Variants in NUP35 observed in about 807,000 individuals in gnomAD.
NUP35 encodes nucleoporin 35, also known as nucleoporin NUP35.
Under a neutral mutation model 41.5 loss-of-function variants are expected in NUP35, and 25 were observed. The ratio of observed to expected loss-of-function variants is 0.60; its 90% CI spans 0.44 to 0.84. The LOEUF (loss-of-function observed/expected upper bound fraction) is 0.84, where lower values mean the gene tolerates loss of function less well. NUP35 is among the 40% of genes least tolerant of loss of function. The probability of loss-of-function intolerance (pLI) is 0.00; values close to 1 mark genes in which losing one functional copy is unlikely to be tolerated. For missense variants in NUP35, 396 were observed against 396.6 expected (o/e 1.00, Z 0.01); for synonymous variants, 149 against 130.7 (o/e 1.14, Z -0.96).
At chr2:183,133,426 G>C in intron 3 of NUP35, 140 bp from the exon 4 acceptor site, 1 of 564,124 alleles carries the variant, frequency 1.8e-6, no homozygotes, top group Non-Finnish European at 3.1e-6. Flanking sequence ...GGGGAAAAAA[G>C]AGTGCCTTTG....
intron 4 of NUP35, among the ~76,000 whole-genome samples, chr2:183,146,785 TG>T (rs1454789688): frequency 1.4e-4 from 22 of 152,022 alleles, no homozygotes; most frequent in Non-Finnish European, 1.2e-4. Context: ...TTAGTAGAGA[TG>T]GGGTTTCGCC....
At chr2:183,121,672 A>G (rs1176259706), upstream of NUP35, among the ~76,000 whole-genome samples, 2 of 151,708 alleles carry the variant, frequency 1.3e-5, no homozygotes, top group African/African-American at 4.8e-5. Context: ...TCTGTACTAA[A>G]ATTCAAAAAA....
intron 3 of NUP35, among the ~76,000 whole-genome samples, chr2:183,133,161 C>T (rs1684753530): frequency 6.6e-6 from 1 of 152,062 alleles, no homozygotes; most frequent in South Asian, 2.1e-4. Flanking sequence ...TATAGTGTTT[C>T]ATGGTTTCTA....
chr2:183,137,278 C>T (rs868082386), intron 4 of NUP35, among the ~76,000 whole-genome samples: 11 of 152,066 alleles, frequency 7.2e-5, no homozygotes, highest in Non-Finnish European at 8.8e-5. Flanking sequence ...CTTTGTTACA[C>T]GCAGAAATAG....
At chr2:183,144,722 T>C in intron 4 of NUP35, among the ~76,000 whole-genome samples, 1 of 152,214 alleles carries the variant, frequency 6.6e-6, no homozygotes, top group East Asian at 1.9e-4. Context: ...TTACAAAGCA[T>C]GGCATGTGGG....
At chr2:183,126,629 A>G (rs1405694119) in intron 1 of NUP35, among the ~76,000 whole-genome samples, 1 of 130,994 alleles carries the variant, frequency 7.6e-6, no homozygotes, top group Non-Finnish European at 1.6e-5. Context: ...TGCTTTATCC[A>G]TTTATTGAAT....
chr2:183,148,688 A>T (rs987477615), intron 4 of NUP35, among the ~76,000 whole-genome samples: 8 of 152,048 alleles, frequency 5.3e-5, no homozygotes, highest in Non-Finnish European at 7.4e-5. Flanking sequence ...ATGGAGTCTT[A>T]AACTCTGTCA....
chr2:183,137,683 T>C (rs1411149110), intron 4 of NUP35, among the ~76,000 whole-genome samples: 1 of 151,652 alleles, frequency 6.6e-6, no homozygotes, highest in East Asian at 1.9e-4. Flanking sequence ...ATTCCAGCGC[T>C]ATGGGAGGTC....
chr2:183,139,721 C>T (rs1018053230), intron 4 of NUP35, among the ~76,000 whole-genome samples: 4 of 152,154 alleles, frequency 2.6e-5, no homozygotes, highest in African/African-American at 9.7e-5. Context: ...AGTGTTGTTT[C>T]CAAAGCATGC....
chr2:183,130,697 C>A, intron 3 of NUP35, 152 bp downstream of exon 3: 1 of 916,280 alleles, frequency 1.1e-6, no homozygotes, highest in South Asian at 1.7e-5. Flanking sequence ...ATAGAATCTA[C>A]TTAAATTGTG....
At chr2:183,125,544 T>C (rs1428284671) in intron 1 of NUP35, among the ~76,000 whole-genome samples, 2 of 152,222 alleles carry the variant, frequency 1.3e-5, no homozygotes, top group African/African-American at 2.4e-5. Context: ...AAAAACTAAA[T>C]GCATAATGTC....
chr2:183,145,190 A>G (rs963877355), intron 4 of NUP35, among the ~76,000 whole-genome samples: 1 of 152,224 alleles, frequency 6.6e-6, no homozygotes, highest in African/African-American at 2.4e-5. Flanking sequence ...AACTTAGTTG[A>G]TAAGTAGATT....
chr2:183,146,963 T>G (rs112509956), intron 4 of NUP35, among the ~76,000 whole-genome samples: 2 of 152,222 alleles, frequency 1.3e-5, no homozygotes, highest in African/African-American at 4.8e-5. Context: ...TGGTTTTGAA[T>G]TGCAGTCTCT....
At chr2:183,123,162 C>T (rs1700093691), upstream of NUP35, among the ~76,000 whole-genome samples, 1 of 152,186 alleles carries the variant, frequency 6.6e-6, no homozygotes, top group South Asian at 2.1e-4. Context: ...CCCCTGGAGC[C>T]TCCAGAAGAA....
At chr2:183,154,842 C>T (rs890471973) in intron 5 of NUP35, among the ~76,000 whole-genome samples, 2 of 152,164 alleles carry the variant, frequency 1.3e-5, no homozygotes, top group Admixed American at 6.5e-5. Flanking sequence ...CTGATAAAGA[C>T]ATACCTGAGA....
intron 4 of NUP35, among the ~76,000 whole-genome samples, chr2:183,139,772 T>C (rs758365877): frequency 1.1e-4 from 17 of 152,204 alleles, no homozygotes; most frequent in Non-Finnish European, 1.9e-4. Flanking sequence ...CGGCAAGCAG[T>C]GGATCCTTCC....
chr2:183,120,500 A>T, upstream of NUP35, among the ~76,000 whole-genome samples: 1 of 150,830 alleles, frequency 6.6e-6, no homozygotes, highest in East Asian at 1.9e-4. Context: ...GCTTGGTGGG[A>T]GAAACTGAAG....
intron 4 of NUP35, among the ~76,000 whole-genome samples, chr2:183,140,839 A>G (rs1209114961): frequency 1.3e-5 from 2 of 150,942 alleles, no homozygotes; most frequent in African/African-American, 4.9e-5. Flanking sequence ...AAAAAAAAAA[A>G]GGAAAATTAA....
chr2:183,151,108 A>G (rs1429805075), intron 4 of NUP35, among the ~76,000 whole-genome samples: 3 of 152,186 alleles, frequency 2.0e-5, no homozygotes, highest in Non-Finnish European at 4.4e-5. Flanking sequence ...GCTGAGGCCA[A>G]GGCATTCGGA....
Sources: allele counts gnomAD v4.1 joint callset (sites outside exome capture counted in the v4.1 genomes callset), GRCh38; gene constraint gnomAD v4.1.1; transcripts MANE v1.5; gene names NCBI Gene and HGNC (gene_info 2026-07-23, HGNC 2026-07-21).